Variants in ZBTB7C observed in about 807,000 individuals in gnomAD.
ZBTB7C encodes zinc finger and BTB domain-containing protein 7C.
In ZBTB7C, 8 loss-of-function variants were observed where a neutral mutation model predicts 25.7. The ratio of observed to expected loss-of-function variants is 0.31; its 90% CI spans 0.18 to 0.56. ZBTB7C has a LOEUF of 0.56. ZBTB7C is among the 20% of genes least tolerant of loss of function. The pLI, the probability that ZBTB7C is intolerant of heterozygous loss-of-function variation, is 0.91. For missense variants in ZBTB7C, 824 were observed against 855.2 expected, an observed-to-expected ratio of 0.96 and a Z score of 0.46; for synonymous variants, 394 against 369.0, an observed-to-expected ratio of 1.07 and a Z score of -0.78.
intron 2 of ZBTB7C, among the ~76,000 whole-genome samples, chr18:48,299,513 C>T (rs1168271488): frequency 1.3e-5 from 2 of 152,214 alleles, no homozygotes; most frequent in Admixed American, 6.5e-5. Context: ...CTGAACTTTG[C>T]AGTTGGATCT....
chr18:48,411,135 G>A (rs1389216979), upstream of ZBTB7C, among the ~76,000 whole-genome samples: 2 of 152,160 alleles, frequency 1.3e-5, no homozygotes, highest in South Asian at 2.1e-4. Flanking sequence ...GGGAAAACGG[G>A]CTCTGGAATA....
At chr18:48,322,388 C>T (rs550445849) in intron 2 of ZBTB7C, among the ~76,000 whole-genome samples, 3 of 152,274 alleles carry the variant, frequency 2.0e-5, no homozygotes, top group South Asian at 2.1e-4. Context: ...CCAAATGTCC[C>T]CTGGAAGAGA....
intron 2 of ZBTB7C, among the ~76,000 whole-genome samples, chr18:48,228,705 C>T (rs889202025): frequency 2.0e-5 from 3 of 150,970 alleles, no homozygotes; most frequent in Non-Finnish European, 2.9e-5. Context: ...AGAGGCCTTT[C>T]AGCTCAGAGG....
chr18:48,219,809 T>G (rs2042907971), intron 2 of ZBTB7C, among the ~76,000 whole-genome samples: 1 of 152,080 alleles, frequency 6.6e-6, no homozygotes, highest in Non-Finnish European at 1.5e-5. Flanking sequence ...GTCAGGTAGA[T>G]CCCTATTTGG....
intron 2 of ZBTB7C, among the ~76,000 whole-genome samples, chr18:48,270,055 G>T (rs1324051709): frequency 6.6e-6 from 1 of 152,078 alleles, no homozygotes; most frequent in Non-Finnish European, 1.5e-5. Context: ...GATAACTGAT[G>T]TAACACTATC....
chr18:48,148,597 T>G (rs2040570405), intron 3 of ZBTB7C: 1 of 152,200 alleles, frequency 6.6e-6, no homozygotes, highest in African/African-American at 2.4e-5. Flanking sequence ...GGTCACTTCC[T>G]GCCAGGTCCA....
intron 3 of ZBTB7C, among the ~76,000 whole-genome samples, chr18:48,129,715 C>T (rs1267809197): frequency 6.6e-6 from 1 of 152,236 alleles, no homozygotes; most frequent in Non-Finnish European, 1.5e-5. Context: ...AGTTTCCTCA[C>T]CTGGCCTCTC....
chr18:48,054,188 A>C (rs932783479), intron 3 of ZBTB7C, among the ~76,000 whole-genome samples: 1 of 152,156 alleles, frequency 6.6e-6, no homozygotes, highest in African/African-American at 2.4e-5. Flanking sequence ...CCGCGAAGGA[A>C]ATCAGGGAAG....
Position 48,029,621 on chromosome 18 carries a change from G to A in ZBTB7C, c.1499C>T (p.Pro500Leu), listed in dbSNP as rs1216089825. 1 of 1,495,550 alleles carries A rather than the reference G, an allele frequency of 6.7e-7. No individual in the cohort carries two copies. The highest frequency in any genetic ancestry group is 2.5e-5 in the East Asian group (1 of 40,412). 92.6% of individuals were successfully genotyped at this position (1,495,550 alleles called of 1,614,324 possible). ...GGGCATCACGAAGGCCGCCTTGTCG[G>A]GGGCCGGGCCGCCGGGCCCGAAGAG... Reference protein sequence around the residue: ...SLLFGPGGPAPDKAAFVMPPA... With the variant: ...SLLFGPGGPALDKAAFVMPPA... Residue 500 changes from proline to leucine, a missense_variant, in exon 5 of 5, where the codon CCC (proline) becomes CTC (leucine). Around this residue, in one of 4 missense-constraint regions of ZBTB7C, gnomAD observed 342 missense variants for 307.0 expected, o/e 1.11. Coordinates refer to ENST00000590800, the MANE Select transcript of ZBTB7C (RefSeq NM_001318841.2).
intron 3 of ZBTB7C, among the ~76,000 whole-genome samples, chr18:48,166,460 C>T (rs936956833): frequency 6.6e-6 from 1 of 152,186 alleles, no homozygotes; most frequent in African/African-American, 2.4e-5. Context: ...GACTTCTCAG[C>T]TTCTCAGACC....
At position 48,040,042 on chromosome 18, in the gene ZBTB7C, G is replaced by T; in HGVS notation, c.1066C>A (p.Arg356Ser). 2 of 1,614,038 alleles carry T rather than the reference G, an allele frequency of 1.2e-6. No homozygotes were observed. The highest frequency in any genetic ancestry group is 2.2e-5 in the South Asian group (2 of 91,070). The change falls in exon 4 of 5, where the codon CGC becomes AGC. Residue 356 changes from arginine (R) to serine (S), a missense_variant. By Grantham distance (110) the Arg-to-Ser change is moderately radical. Transcript: ENST00000590800. ...TGAGAGGCCTTGGGCTTCAGCTTGC[G>T]CTCTTCTACCAGGGGCCAGGGTGGG... ...LFPPWPLVEE[R>S]KLKPKASQQC...
chr18:48,211,149 A>G lies in ZBTB7C; in HGVS notation c.-78-25154T>C, dbSNP rs527924181. 3.9e-5 allele frequency among the ~76,000 whole-genome samples: 6 copies of G among 152,330 alleles called. No homozygotes were observed. In the South Asian group the frequency reaches 1.2e-3, roughly 32 times the overall value. The stretch of plus-strand genomic sequence containing the variant: ...CTGTATATCCATATGCAAAAAATTA[A>G]TCTAGACAAAGACCTCACATTCTTC... On this transcript the variant is annotated intron_variant, in intron 2 of 4. Coordinates refer to ENST00000590800, the MANE Select transcript of ZBTB7C (RefSeq NM_001318841.2).
At chr18:48,141,067 C>T (rs913654078) in intron 3 of ZBTB7C, among the ~76,000 whole-genome samples, 1 of 152,104 alleles carries the variant, frequency 6.6e-6, no homozygotes, top group Non-Finnish European at 1.5e-5. Context: ...AGACTATTCA[C>T]CATAGCCCTC....
intron 3 of ZBTB7C, among the ~76,000 whole-genome samples, chr18:48,129,303 C>A (rs1172192869): frequency 6.7e-6 from 1 of 150,030 alleles, no homozygotes; most frequent in East Asian, 2.0e-4. Flanking sequence ...CTGGTTAGAA[C>A]CAATGTTTAT....
intron 3 of ZBTB7C, among the ~76,000 whole-genome samples, chr18:48,139,247 G>C (rs2040266186): frequency 6.6e-6 from 1 of 152,136 alleles, no homozygotes; most frequent in Non-Finnish European, 1.5e-5. Flanking sequence ...TCACTCAGTA[G>C]TTAAGAAAAC....
At chr18:48,249,681 A>G (rs1463637612) in intron 2 of ZBTB7C, among the ~76,000 whole-genome samples, 1 of 152,226 alleles carries the variant, frequency 6.6e-6, no homozygotes, top group African/African-American at 2.4e-5. Flanking sequence ...AATTTCTAAC[A>G]GGTTAGATTC....
chr18:48,225,585 A>C (rs2043067983), intron 2 of ZBTB7C, among the ~76,000 whole-genome samples: 1 of 152,132 alleles, frequency 6.6e-6, no homozygotes, highest in Non-Finnish European at 1.5e-5. Context: ...AGATGGTAGC[A>C]CTTATTTTTT....
chr18:48,081,344 C>T (rs1276575343), intron 3 of ZBTB7C, among the ~76,000 whole-genome samples: 1 of 152,192 alleles, frequency 6.6e-6, no homozygotes, highest in African/African-American at 2.4e-5. Flanking sequence ...CCATCCATGT[C>T]AGGACCAACA....
At chr18:48,046,129 A>G (rs559217604) in intron 3 of ZBTB7C, among the ~76,000 whole-genome samples, 1 of 152,360 alleles carries the variant, frequency 6.6e-6, no homozygotes, top group East Asian at 1.9e-4. Context: ...AGAAACTATG[A>G]GGCAATAAAT....
Sources: allele counts gnomAD v4.1 joint callset (sites outside exome capture counted in the v4.1 genomes callset), GRCh38; gene constraint gnomAD v4.1.1; regional missense constraint gnomAD v4.1.1; transcripts MANE v1.5; gene names NCBI Gene and HGNC (gene_info 2026-07-23, HGNC 2026-07-21).